Variants in ACBD6 observed in about 807,000 individuals in gnomAD.
The protein encoded by ACBD6 is acyl-CoA binding domain containing 6.
Under a neutral mutation model 37.2 loss-of-function variants are expected in ACBD6, and 28 were observed. That is an observed-to-expected ratio of 0.75 (90% CI 0.56 to 1.03). The LOEUF (loss-of-function observed/expected upper bound fraction) is 1.03. Ranked by LOEUF, ACBD6 falls within the 50% of genes least tolerant of loss-of-function variation. ACBD6 has a pLI of 0.00. For synonymous variants in ACBD6, 113 were observed against 126.8 expected, an observed-to-expected ratio of 0.89 and a Z score of 0.73; for missense variants, 340 against 337.4, an observed-to-expected ratio of 1.01 and a Z score of -0.06.
intron 6 of ACBD6, among the ~76,000 whole-genome samples, chr1:180,334,647 G>C (rs1651629720): frequency 1.3e-5 from 2 of 152,186 alleles, no homozygotes; most frequent in South Asian, 4.1e-4. Context: ...AGCAATGGAA[G>C]AAAGCTGGAC....
chr1:180,442,537 A>C (rs747110369), intron 3 of ACBD6, among the ~76,000 whole-genome samples: 4 of 152,082 alleles, frequency 2.6e-5, no homozygotes, highest in Non-Finnish European at 4.4e-5. Flanking sequence ...TTATTAACTA[A>C]ATTTTGTTTC....
At position 180,435,256 on chromosome 1, in the gene ACBD6, A is replaced by ATT. The variant is rs913558276; in HGVS notation, c.385-4996_385-4995dup. 5.6e-5 allele frequency: 31 copies of ATT among 557,118 alleles called. No homozygotes were observed. The Middle Eastern group carries it at 1.0e-3, about 18-fold the overall frequency. The allele number at this position is 557,118 out of a possible 1,614,324, so 34.5% of individuals were successfully genotyped here. Reference sequence around the variant, plus strand: ...GGCTGGCTGGCCGGCTACCAGATGCATTTTTTTTTTGAGACGGAGTCTTGC... The same window carrying ATT: ...GGCTGGCTGGCCGGCTACCAGATGCATTTTTTTTTTTTGAGACGGAGTCTTGC... On this transcript the variant is annotated intron_variant, in intron 3 of 7. Coordinates refer to ENST00000367595, the MANE Select transcript of ACBD6 (RefSeq NM_032360.4).
rs1429847984 is a variant in ACBD6 at position 180,480,672 on chromosome 1, T to C, written c.384+11597A>G. 2.6e-5 allele frequency among the ~76,000 whole-genome samples: 4 copies of C among 152,338 alleles called. No individual in the cohort carries two copies. In the South Asian group the frequency reaches 6.2e-4, roughly 24 times the overall value. ...AGTTCTTCAAGTCAAATGGAGCTTG[T>C]AGAAGTACTTGATTAGGCTCACATT... On this transcript the variant is annotated intron_variant, in intron 3 of 7. Transcript: ENST00000367595.
At chr1:180,473,325 T>C (rs1162839914) in intron 3 of ACBD6, among the ~76,000 whole-genome samples, 2 of 150,220 alleles carry the variant, frequency 1.3e-5, no homozygotes, top group African/African-American at 4.9e-5. Context: ...CGGGCGCCTG[T>C]AGTCCCAGCT....
At chr1:180,277,550 A>G (rs1366036407) in intron 9 of ACBD6, 1 of 152,174 alleles carries the variant, frequency 6.6e-6, no homozygotes, top group Non-Finnish European at 1.5e-5. Flanking sequence ...CTGAGGGGCT[A>G]TGGAGGAATC....
intron 3 of ACBD6, among the ~76,000 whole-genome samples, chr1:180,444,727 G>A (rs892838268): frequency 1.3e-5 from 2 of 151,338 alleles, no homozygotes; most frequent in African/African-American, 4.8e-5. Context: ...ATTAAATAGA[G>A]TCCAATTTGG....
rs138248246 is a variant in ACBD6 at position 180,370,506 on chromosome 1, C to T, written c.663+27010G>A. Among the ~76,000 whole-genome samples, 777 of 152,118 alleles carry T rather than the reference C, an allele frequency of 5.1e-3. 4 individuals are homozygous for T. The highest frequency in any genetic ancestry group is 0.017 in the African/African-American group (719 of 41,504). On this transcript the variant is annotated intron_variant, in intron 6 of 7. Coordinates refer to ENST00000367595, the MANE Select transcript of ACBD6 (RefSeq NM_032360.4). ...CCCTGCATTCAAAGAACTTACAATC[C>T]ACTGGAAAGACAACACAAAGTGGAC...
intron 3 of ACBD6, among the ~76,000 whole-genome samples, chr1:180,454,154 A>G (rs1191063385): frequency 6.6e-6 from 1 of 152,238 alleles, no homozygotes; most frequent in Admixed American, 6.5e-5. Context: ...TGAAAACAGC[A>G]TGGTACTGGT....
At chr1:180,360,651 T>C (rs1652812061) in intron 6 of ACBD6, among the ~76,000 whole-genome samples, 3 of 152,158 alleles carry the variant, frequency 2.0e-5, no homozygotes, top group Admixed American at 6.5e-5. Flanking sequence ...CACTATCTTT[T>C]GGACAAACAG....
In ACBD6 at chr1:180,288,349, T is replaced by C; in HGVS notation, c.*14A>G. On this transcript the variant is annotated 3_prime_UTR_variant, in exon 8 of 8. Transcript: ENST00000367595. Reference sequence around the variant, plus strand: ...CCTTATGCTATTACAGACTGCAGTTTTCCAGTCTTTTGATTAAGCCTTGCC... The same window carrying C: ...CCTTATGCTATTACAGACTGCAGTTCTCCAGTCTTTTGATTAAGCCTTGCC... 1 of 1,613,566 alleles carries C rather than the reference T, an allele frequency of 6.2e-7. No individual in the cohort carries two copies. The highest frequency in any genetic ancestry group is 8.5e-7 in the Non-Finnish European group (1 of 1,179,898).
intron 4 of ACBD6, among the ~76,000 whole-genome samples, chr1:180,418,113 TTATC>T (rs1648176467): frequency 6.6e-6 from 1 of 152,014 alleles, no homozygotes. Context: ...TATATAATCT[TTATC>T]TGATGAAACC....
At chr1:180,413,801 T>C (rs1205425588) in intron 4 of ACBD6, among the ~76,000 whole-genome samples, 1 of 152,144 alleles carries the variant, frequency 6.6e-6, no homozygotes, top group Non-Finnish European at 1.5e-5. Flanking sequence ...CTTTATAAGA[T>C]AGTAGAATCA....
At chr1:180,274,415 A>C (rs779436909) in intron 10 of ACBD6, 19 of 1,614,164 alleles carry the variant, frequency 1.2e-5, no homozygotes, top group Non-Finnish European at 1.4e-5. Context: ...GGTGGACAGT[A>C]ATTTGGGCAT....
chr1:180,457,775 G>A (rs982683566), intron 3 of ACBD6, among the ~76,000 whole-genome samples: 8 of 150,460 alleles, frequency 5.3e-5, no homozygotes, highest in African/African-American at 2.0e-4. Context: ...AAAGTCTACT[G>A]TACCACAAAA....
intron 3 of ACBD6, among the ~76,000 whole-genome samples, chr1:180,473,386 G>A (rs1650646276): frequency 6.7e-6 from 1 of 148,226 alleles, no homozygotes; most frequent in African/African-American, 2.5e-5. Flanking sequence ...GGCGGAGCTT[G>A]CAGTGAGCCG....
intron 7 of ACBD6, among the ~76,000 whole-genome samples, chr1:180,309,384 G>A (rs891822022): frequency 6.6e-6 from 1 of 152,134 alleles, no homozygotes; most frequent in Non-Finnish European, 1.5e-5. Context: ...ATCCATAAAG[G>A]CATTCACTCC....
At chr1:180,432,461 C>A (rs1308982383) in intron 3 of ACBD6, among the ~76,000 whole-genome samples, 1 of 151,854 alleles carries the variant, frequency 6.6e-6, no homozygotes, top group East Asian at 1.9e-4. Context: ...GGACAACTTA[C>A]CAAAGAAGAT....
intron 6 of ACBD6, among the ~76,000 whole-genome samples, chr1:180,336,864 A>G (rs1218103344): frequency 6.6e-6 from 1 of 152,240 alleles, no homozygotes; most frequent in African/African-American, 2.4e-5. Context: ...ACCATCAGAG[A>G]ATACTATAAA....
intron 6 of ACBD6, among the ~76,000 whole-genome samples, chr1:180,373,267 A>G (rs539774054): frequency 6.6e-6 from 1 of 152,244 alleles, no homozygotes; most frequent in South Asian, 2.1e-4. Flanking sequence ...CTTTCCAAAC[A>G]TGTTCTTTGA....
Sources: gnomAD v4.1 joint callset for allele counts (sites outside exome capture counted in the v4.1 genomes callset) on GRCh38, gnomAD v4.1.1 for gene constraint, MANE v1.5 for transcripts, NCBI Gene and HGNC (gene_info 2026-07-23, HGNC 2026-07-21) for gene names.